The following ACADM variants were observed in gnomAD, a reference collection of about 807,000 sequenced individuals.
The protein encoded by ACADM is acyl-CoA dehydrogenase medium chain.
In ACADM, 49 loss-of-function variants were observed where a neutral mutation model predicts 58.9. The observed-to-expected ratio is 0.83, with a 90% CI of 0.66 to 1.06. The LOEUF (loss-of-function observed/expected upper bound fraction) is 1.06. Among genes scored for constraint, ACADM ranks in the 50% least tolerant of loss-of-function variants. The pLI is 0.00. For missense variants in ACADM, 496 were observed against 507.0 expected (o/e 0.98, Z 0.21); for synonymous variants, 160 against 157.7 (o/e 1.01, Z -0.11).
At chr1:75,749,630 A>G in intron 9 of ACADM, 71 bp downstream of exon 9, 1 of 1,372,252 alleles carries the variant, frequency 7.3e-7, no homozygotes, top group South Asian at 1.3e-5. Context: ...TTTTACTTTA[A>G]AATTGTATGT....
At position 75,740,424 on chromosome 1, in the gene ACADM, C is replaced by T. The variant is rs149637360; in HGVS notation, c.599+314C>T. 6.7e-3 allele frequency among the ~76,000 whole-genome samples: 1,024 copies of T among 152,276 alleles called. 17 individuals are homozygous for T. The highest frequency in any genetic ancestry group is 0.035 in the Admixed American group (530 of 15,294). On this transcript the variant is annotated intron_variant, in intron 7 of 11. Transcript: ENST00000370841. ...TCCACTCCTCATCTCCTATACCAGC[C>T]GCTCCTTGGAATCCCTAAAACCCTA...
At position 75,740,065 on chromosome 1, in the gene ACADM, T is replaced by G. The variant is rs1647480996; in HGVS notation, c.554T>G (p.Ile185Ser). Reference protein sequence around the residue: ...KAEKKGDEYIINGQKMWITNG... With the variant: ...KAEKKGDEYISNGQKMWITNG... Reference sequence around the variant, plus strand: ...GAAAAGAAAGGAGATGAGTATATTATTAATGGTCAGAAGATGTGGATAACC... The same window carrying G: ...GAAAAGAAAGGAGATGAGTATATTAGTAATGGTCAGAAGATGTGGATAACC... The change falls in exon 7 of 12, where the codon ATT becomes AGT. Residue 185 changes from isoleucine (I) to serine (S), a missense_variant. Physicochemically the swap from Ile to Ser is moderately radical, Grantham distance 142. Coordinates refer to ENST00000370841, the MANE Select transcript of ACADM (RefSeq NM_000016.6). 1 of 1,612,464 alleles carries G rather than the reference T, an allele frequency of 6.2e-7. No homozygotes were observed.
intron 6 of ACADM, among the ~76,000 whole-genome samples, chr1:75,738,584 A>G (rs539263468): frequency 1.3e-5 from 2 of 152,184 alleles, no homozygotes; most frequent in South Asian, 4.1e-4. Flanking sequence ...ATTAAAATGT[A>G]TATAGTTTCT....
chr1:75,743,767 G>T, intron 7 of ACADM: 1 of 1,551,508 alleles, frequency 6.4e-7, no homozygotes, highest in Non-Finnish European at 8.9e-7. Flanking sequence ...ATAATTCATA[G>T]CTTCCACATT....
intron 7 of ACADM, among the ~76,000 whole-genome samples, chr1:75,740,641 TA>T (rs950509808): frequency 1.5e-3 from 224 of 150,630 alleles, no homozygotes; most frequent in Non-Finnish European, 2.3e-3. Context: ...TATAAAATAC[TA>T]AAAAAAAACA....
chr1:75,755,533 C>T (rs1648456759), intron 10 of ACADM, among the ~76,000 whole-genome samples: 1 of 152,202 alleles, frequency 6.6e-6, no homozygotes, highest in African/African-American at 2.4e-5. Context: ...TCCAACAGAC[C>T]TGCAGCTGAG....
intron 1 of ACADM, among the ~76,000 whole-genome samples, 169 bp downstream of exon 1, chr1:75,724,986 G>T (rs1384100313): frequency 1.3e-5 from 2 of 152,128 alleles, no homozygotes; most frequent in Admixed American, 1.3e-4. Context: ...ACCACCGGAC[G>T]GAACGTAGCC....
Position 75,762,802 on chromosome 1 carries a change from G to A in ACADM, c.*39G>A, listed in dbSNP as rs17848065. The A allele has an allele frequency of 0.036, 46,840 of 1,288,190 alleles. 1,030 individuals are homozygous for A. The highest frequency in any genetic ancestry group is 0.058 in the Middle Eastern group (314 of 5,382). The allele number at this position is 1,288,190 out of a possible 1,614,324, so 79.8% of individuals were successfully genotyped here. On this transcript the variant is annotated 3_prime_UTR_variant, in exon 12 of 12. Transcript: ENST00000370841. ...GAAATATTGAATAACTAGAACACAAGCCACTGTTTCAGCTCCAGAAAAAAG... is the reference window on the plus strand; with the variant it reads ...GAAATATTGAATAACTAGAACACAAACCACTGTTTCAGCTCCAGAAAAAAG...
At chr1:75,743,288 T>C (rs1053176890) in intron 7 of ACADM, 5 of 960,630 alleles carry the variant, frequency 5.2e-6, no homozygotes, top group East Asian at 2.4e-5. Flanking sequence ...GGTTACATAG[T>C]GCTCTGCTTC....
At chr1:75,750,585 C>T (rs1440544233) in intron 10 of ACADM, 39 bp downstream of exon 10, 4 of 1,268,228 alleles carry the variant, frequency 3.2e-6, no homozygotes, top group Non-Finnish European at 4.6e-6. Flanking sequence ...AATGTAAAGA[C>T]ACTCATTTTC....
chr1:75,730,895 T>C (rs1428826465), intron 2 of ACADM, among the ~76,000 whole-genome samples: 1 of 152,120 alleles, frequency 6.6e-6, no homozygotes, highest in Non-Finnish European at 1.5e-5. Context: ...AAAGCTGTGA[T>C]AGAGAGAACA....
At chr1:75,735,229 T>C (rs963443631) in intron 6 of ACADM, among the ~76,000 whole-genome samples, 1 of 146,804 alleles carries the variant, frequency 6.8e-6, no homozygotes, top group East Asian at 2.0e-4. Flanking sequence ...GGCATAAGAA[T>C]CGCTTGAACC....
intron 7 of ACADM, among the ~76,000 whole-genome samples, chr1:75,742,365 C>T (rs1372226132): frequency 6.6e-6 from 1 of 152,180 alleles, no homozygotes; most frequent in Admixed American, 6.5e-5. Context: ...TATCTACTAA[C>T]ACCCTCAGGG....
At position 75,750,534 on chromosome 1, in the gene ACADM, G is replaced by A; in HGVS notation, c.933G>A (p.Lys311=). 1 of 1,610,182 alleles carries A rather than the reference G, an allele frequency of 6.2e-7. No individual in the cohort carries two copies. Among genetic ancestry groups the A allele is most frequent in the Non-Finnish European group, 8.5e-7 (1 of 1,178,278 alleles). ...CCCTGGAAAGGAAAACTTTCGGAAA[G>A]CTACTTGTAGAGGTAATTTTAATAC... The part of the protein sequence containing the change: ...KYALERKTFG[K]LLVEHQAISF... Residue 311 remains lysine (K), a synonymous_variant, in exon 10 of 12, where the codon AAG becomes AAA. Transcript: ENST00000370841.
chr1:75,737,474 A>G (rs1647336235), intron 6 of ACADM, among the ~76,000 whole-genome samples: 1 of 151,694 alleles, frequency 6.6e-6, no homozygotes, highest in Admixed American at 6.6e-5. Flanking sequence ...CTAATAGCAT[A>G]TTTCAGGGAA....
rs543305133 is a variant in ACADM, at chr1:75,738,650, G to C, written c.469-1330G>C. ...AATTGACATGGGTTCTCGGCATGTT[G>C]ACCAGGCTGGTCTTGAACTCCTGGT... On this transcript the variant is annotated intron_variant, in intron 6 of 11. Coordinates refer to ENST00000370841, the MANE Select transcript of ACADM (RefSeq NM_000016.6). Among the ~76,000 whole-genome samples, 313 of 152,136 alleles carry C rather than the reference G, an allele frequency of 2.1e-3. 2 individuals carry two copies. Among genetic ancestry groups the C allele is most frequent in the African/African-American group, 7.0e-3 (292 of 41,498 alleles).
intron 2 of ACADM, among the ~76,000 whole-genome samples, chr1:75,729,022 G>C (rs1349437384): frequency 6.6e-6 from 1 of 151,736 alleles, no homozygotes; most frequent in Non-Finnish European, 1.5e-5. Context: ...TCTATCTTTG[G>C]CATTCTTGGC....
intron 7 of ACADM, among the ~76,000 whole-genome samples, chr1:75,742,317 G>A (rs935894154): frequency 1.3e-5 from 2 of 152,064 alleles, no homozygotes; most frequent in African/African-American, 4.8e-5. Context: ...AGATCCACCG[G>A]CAACACATCT....
chr1:75,750,563 T>G lies in ACADM; in HGVS notation c.945+17T>G. 1 of 1,525,692 alleles carries G rather than the reference T, an allele frequency of 6.6e-7. No individual in the cohort carries two copies. Among genetic ancestry groups the G allele is most frequent in the East Asian group, 2.3e-5 (1 of 44,428 alleles). 94.5% of individuals were successfully genotyped at this position (1,525,692 alleles called of 1,614,324 possible). On this transcript the variant is annotated intron_variant, in intron 10 of 11. Coordinates refer to ENST00000370841, the MANE Select transcript of ACADM (RefSeq NM_000016.6). ...CTTGTAGAGGTAATTTTAATACTGCTTGCTTTGTTCAAATGTAAAGACACT... is the reference window on the plus strand; with the variant it reads ...CTTGTAGAGGTAATTTTAATACTGCGTGCTTTGTTCAAATGTAAAGACACT...
Sources: gnomAD v4.1 joint callset for allele counts (sites outside exome capture counted in the v4.1 genomes callset) on GRCh38, gnomAD v4.1.1 for gene constraint, MANE v1.5 for transcripts, NCBI Gene and HGNC (gene_info 2026-07-23, HGNC 2026-07-21) for gene names.